Variants in SLC24A4 observed in about 807,000 individuals in gnomAD.
SLC24A4 encodes sodium/potassium/calcium exchanger 4.
Under a neutral mutation model 79.0 loss-of-function variants are expected in SLC24A4, and 53 were observed. That is an observed-to-expected ratio of 0.67 (90% CI 0.54 to 0.84). The LOEUF (loss-of-function observed/expected upper bound fraction) is 0.84, where lower values mean the gene tolerates loss of function less well. SLC24A4 is among the 40% of genes least tolerant of loss of function. SLC24A4 has a pLI of 0.00. For missense variants in SLC24A4, 731 were observed against 822.0 expected (o/e 0.89, Z 1.35); for synonymous variants, 323 against 323.8 (o/e 1.00, Z 0.03).
At chr14:92,399,629 T>A (rs1384638863) in intron 2 of SLC24A4, among the ~76,000 whole-genome samples, 2 of 152,234 alleles carry the variant, frequency 1.3e-5, no homozygotes, top group Non-Finnish European at 2.9e-5. Flanking sequence ...TCTATCTGCC[T>A]TCACACTGGT....
intron 14 of SLC24A4, among the ~76,000 whole-genome samples, chr14:92,487,839 T>A (rs963670109): frequency 6.6e-6 from 1 of 152,104 alleles, no homozygotes; most frequent in Non-Finnish European, 1.5e-5. Flanking sequence ...GGGAGGAACC[T>A]TCCTTGCCCC....
At chr14:92,445,286 C>T (rs376570647) in intron 7 of SLC24A4, 31 bp from the exon 8 acceptor site, 1 of 1,613,596 alleles carries the variant, frequency 6.2e-7, no homozygotes. Context: ...TATGTCCCAC[C>T]CACCTCAACT....
chr14:92,462,073 G>C (rs1893844353), intron 12 of SLC24A4: 1 of 152,260 alleles, frequency 6.6e-6, no homozygotes, highest in Non-Finnish European at 1.5e-5. Context: ...CAGAGAGGCT[G>C]CGGGGCTCCC....
Position 92,493,843 on chromosome 14 carries a change from G to C in SLC24A4, c.*215G>C. 1.7e-6 allele frequency: 1 copy of C among 592,546 alleles called. No individual in the cohort carries two copies. Among genetic ancestry groups the C allele is most frequent in the East Asian group, 2.9e-5 (1 of 34,200 alleles). 36.7% of individuals were successfully genotyped at this position (592,546 alleles called of 1,614,324 possible). ...TTGGAGTTCCGCCCCTGCAAGGCTG[G>C]ATTTGGGGGCCATTATCTGAGCAGC... On this transcript the variant is annotated 3_prime_UTR_variant, in exon 17 of 17. Transcript: ENST00000532405.
At chr14:92,433,599 C>T (rs78580799) in intron 2 of SLC24A4, among the ~76,000 whole-genome samples, 2,768 of 152,328 alleles carry the variant, frequency 0.018, 47 homozygotes, top group South Asian at 0.033. Context: ...CTTGTCAACA[C>T]TTACTACTAT....
intron 2 of SLC24A4, among the ~76,000 whole-genome samples, chr14:92,421,594 G>A (rs1045310955): frequency 1.3e-5 from 2 of 151,978 alleles, no homozygotes; most frequent in African/African-American, 2.4e-5. Flanking sequence ...TGAAACCCCC[G>A]CCTCCCAGGT....
At chr14:92,435,850 T>C (rs1297600731) in intron 3 of SLC24A4, among the ~76,000 whole-genome samples, 1 of 152,166 alleles carries the variant, frequency 6.6e-6, no homozygotes, top group Middle Eastern at 3.2e-3. Flanking sequence ...GGCTTTACAC[T>C]CCTCCCCTTT....
intron 13 of SLC24A4, among the ~76,000 whole-genome samples, chr14:92,485,222 G>C (rs1040086388): frequency 6.6e-6 from 1 of 152,106 alleles, no homozygotes; most frequent in East Asian, 1.9e-4. Context: ...CCAGCACTTC[G>C]GGAGGCCAAG....
chr14:92,432,788 A>C (rs1891948116), intron 2 of SLC24A4, among the ~76,000 whole-genome samples: 1 of 152,116 alleles, frequency 6.6e-6, no homozygotes, highest in African/African-American at 2.4e-5. Flanking sequence ...AAATCAGAAA[A>C]ATTTCCATAT....
chr14:92,466,231 C>A (rs10130373), intron 12 of SLC24A4, among the ~76,000 whole-genome samples: 106,645 of 152,064 alleles, frequency 0.7, 37,915 homozygotes, highest in Non-Finnish European at 0.76. Flanking sequence ...ACTCAGCAAG[C>A]GGAAGTTAAC....
intron 2 of SLC24A4, among the ~76,000 whole-genome samples, chr14:92,364,980 A>G (rs1355855367): frequency 6.6e-6 from 1 of 151,946 alleles, no homozygotes; most frequent in Non-Finnish European, 1.5e-5. Flanking sequence ...TGCCCTTTCC[A>G]CTGCCCAGGA....
At chr14:92,392,961 T>C (rs1283625968) in intron 2 of SLC24A4, among the ~76,000 whole-genome samples, 1 of 151,306 alleles carries the variant, frequency 6.6e-6, no homozygotes, top group Non-Finnish European at 1.5e-5. Context: ...GGAGGCACCA[T>C]CTATGAGGGA....
At chr14:92,383,931 C>T (rs997168928) in intron 2 of SLC24A4, among the ~76,000 whole-genome samples, 1 of 152,190 alleles carries the variant, frequency 6.6e-6, no homozygotes, top group African/African-American at 2.4e-5. Flanking sequence ...CTCGCCGTGG[C>T]GGGACAGCAT....
chr14:92,350,783 T>A (rs552724488), intron 2 of SLC24A4, among the ~76,000 whole-genome samples: 1 of 152,338 alleles, frequency 6.6e-6, no homozygotes, highest in Admixed American at 6.5e-5. Flanking sequence ...ACTTGCCACC[T>A]GCAATGGACT....
rs1205019539 is a variant in SLC24A4 at position 92,398,179 on chromosome 14, CT to C, written c.242-35732del. Among the ~76,000 whole-genome samples, 1 of 152,192 alleles carries C rather than the reference CT, an allele frequency of 6.6e-6. No individual in the cohort carries two copies. Among genetic ancestry groups the C allele is most frequent in the African/African-American group, 2.4e-5 (1 of 41,444 alleles). ...TAAGATATGCCTGGTGTGTGCATGC[CT>C]AAGTTGGTTGAAACATGCCCTCATG... On this transcript the variant is annotated intron_variant, in intron 2 of 16. Transcript: ENST00000532405. This position sits in a 1 kb window ranked among gnomAD's most constrained non-coding sequence, Gnocchi z 4.1.
chr14:92,360,172 T>C (rs540966304), intron 2 of SLC24A4, among the ~76,000 whole-genome samples: 13 of 152,368 alleles, frequency 8.5e-5, no homozygotes, highest in African/African-American at 2.6e-4. Flanking sequence ...TCTGCCCACC[T>C]TGGCCTCCCA....
At chr14:92,465,217 G>A (rs1894037338) in intron 12 of SLC24A4, among the ~76,000 whole-genome samples, 1 of 152,204 alleles carries the variant, frequency 6.6e-6, no homozygotes, top group Non-Finnish European at 1.5e-5. Flanking sequence ...TCTGCCCAGG[G>A]GTCCTTGAAG....
intron 12 of SLC24A4, among the ~76,000 whole-genome samples, chr14:92,459,383 A>G (rs1893664025): frequency 6.6e-6 from 1 of 152,110 alleles, no homozygotes; most frequent in Admixed American, 6.5e-5. Flanking sequence ...CTGGAACCAG[A>G]TGGCTCCTGG....
chr14:92,378,480 TAA>T (rs1454082003), intron 2 of SLC24A4, among the ~76,000 whole-genome samples: 1 of 152,238 alleles, frequency 6.6e-6, no homozygotes, highest in Non-Finnish European at 1.5e-5. Context: ...TTTCCTTGGA[TAA>T]TAATGGCTCT....
Sources: gnomAD v4.1 joint callset for allele counts (sites outside exome capture counted in the v4.1 genomes callset) on GRCh38, gnomAD v4.1.1 for gene constraint, Gnocchi (gnomAD v3.1) non-coding constraint, MANE v1.5 for transcripts, NCBI Gene and HGNC (gene_info 2026-07-23, HGNC 2026-07-21) for gene names.